LIMCH1: variants seen among roughly 807,000 people sequenced by gnomAD.
LIMCH1 encodes LIM and calponin homology domains 1, also known as LIM and calponin homology domains-containing protein 1.
LIMCH1 carries 113 observed loss-of-function variants against 176.5 expected under a neutral mutation model. The ratio of observed to expected loss-of-function variants is 0.64; its 90% CI spans 0.55 to 0.75. LIMCH1 has a LOEUF of 0.75. Among genes scored for constraint, LIMCH1 ranks in the 30% least tolerant of loss-of-function variants. The pLI is 0.00. For missense variants in LIMCH1, 1,674 were observed against 1,814.9 expected (o/e 0.92, Z 1.41); for synonymous variants, 619 against 645.9 (o/e 0.96, Z 0.63).
At chr4:41,371,617 C>G (rs2154097590) in intron 1 of LIMCH1, among the ~76,000 whole-genome samples, 1 of 145,082 alleles carries the variant, frequency 6.9e-6, no homozygotes, top group Middle Eastern at 3.5e-3. Context: ...TCTGTTTAGT[C>G]TTTGTGTAAC....
chr4:41,402,175 C>T (rs1429988596), intron 1 of LIMCH1, among the ~76,000 whole-genome samples: 4 of 152,096 alleles, frequency 2.6e-5, no homozygotes, highest in Admixed American at 2.6e-4. Context: ...AGGATATGAA[C>T]AGACACTTCT....
At chr4:41,407,833 C>T (rs548442598) in intron 1 of LIMCH1, among the ~76,000 whole-genome samples, 5 of 152,212 alleles carry the variant, frequency 3.3e-5, no homozygotes, top group African/African-American at 9.6e-5. Flanking sequence ...CTGCTACTTT[C>T]CCAGGTTCTT....
At chr4:41,370,204 C>G (rs938390092) in intron 1 of LIMCH1, among the ~76,000 whole-genome samples, 36 of 152,126 alleles carry the variant, frequency 2.4e-4, no homozygotes, top group African/African-American at 8.7e-4. Flanking sequence ...CTCACCTTCT[C>G]TTTCTTTCCC....
At chr4:41,620,800 C>T in intron 7 of LIMCH1, 110 bp downstream of exon 7, 1 of 1,250,276 alleles carries the variant, frequency 8.0e-7, no homozygotes, top group African/African-American at 1.5e-5. Flanking sequence ...CCCGCTTTTC[C>T]TATTGCATCA....
In LIMCH1 at chr4:41,421,669, A is replaced by G. The variant is rs113712611; in HGVS notation, c.96+60733A>G. On this transcript the variant is annotated intron_variant, in intron 1 of 26. Coordinates refer to the LIMCH1 transcript ENST00000313860. ...ATTTCTGGATCCTAATTTTATAAGC[A>G]ATGTAAAAAGCATAAGACTGAAAGT... is the stretch of plus-strand genomic sequence containing the variant. Among the ~76,000 whole-genome samples, 1,133 of 152,302 alleles carry G rather than the reference A, an allele frequency of 7.4e-3. 19 individuals carry two copies. The highest frequency in any genetic ancestry group is 0.025 in the African/African-American group (1,047 of 41,544).
intron 7 of LIMCH1, among the ~76,000 whole-genome samples, chr4:41,621,204 A>C (rs940642246): frequency 6.6e-6 from 1 of 152,160 alleles, no homozygotes; most frequent in Non-Finnish European, 1.5e-5. Flanking sequence ...TTAGTTTCTA[A>C]AGCATGTTGA....
chr4:41,678,620 G>A (rs1713056926), intron 23 of LIMCH1, among the ~76,000 whole-genome samples: 1 of 152,176 alleles, frequency 6.6e-6, no homozygotes, highest in Non-Finnish European at 1.5e-5. Flanking sequence ...ACAGAGGCGG[G>A]CACCAGGCCT....
intron 13 of LIMCH1, among the ~76,000 whole-genome samples, chr4:41,638,225 A>G (rs539197058): frequency 6.6e-6 from 1 of 152,296 alleles, no homozygotes; most frequent in South Asian, 2.1e-4. Context: ...TCCGGTGACT[A>G]TCGCAGAGGG....
In LIMCH1 at chr4:41,664,019, G is replaced by A. The variant is rs375182872; in HGVS notation, c.3291+1035G>A. Among the ~76,000 whole-genome samples, 9 of 152,086 alleles carry A rather than the reference G, an allele frequency of 5.9e-5. No homozygotes were observed. The South Asian group carries it at 6.2e-4, about 11-fold the overall frequency. ...TATACCACTGCACTCTAACCTGGGC[G>A]ACACAGCTAGACCCCATCTCAAAAA... On this transcript the variant is annotated intron_variant, in intron 20 of 31. Transcript: ENST00000503057.
intron 4 of LIMCH1, chr4:41,609,781 C>G: frequency 2.6e-6 from 1 of 384,788 alleles, no homozygotes; most frequent in Non-Finnish European, 5.2e-6. Flanking sequence ...AAAGCAGAGA[C>G]AATGTTAATT....
Position 41,564,417 on chromosome 4 carries a change from G to A in LIMCH1, c.-241+26067G>A, listed in dbSNP as rs533904407. Among the ~76,000 whole-genome samples, 122 of 152,272 alleles carry A rather than the reference G, an allele frequency of 8.0e-4. 1 individual carries two copies. The highest frequency in any genetic ancestry group is 2.7e-3 in the African/African-American group (112 of 41,562). ...AAAGACACACTTGCCTGCTATTTGG[G>A]AACATTTATTTAGTAAATACTTATT... On this transcript the variant is annotated intron_variant, in intron 1 of 31. Transcript: ENST00000503057.
intron 1 of LIMCH1, among the ~76,000 whole-genome samples, chr4:41,585,932 G>A (rs1193376844): frequency 1.3e-5 from 2 of 152,184 alleles, no homozygotes; most frequent in Non-Finnish European, 2.9e-5. Context: ...TGATCACACA[G>A]TTGGATGTGA....
chr4:41,519,185 G>T (rs772029937), intron 2 of LIMCH1, among the ~76,000 whole-genome samples: 2 of 152,162 alleles, frequency 1.3e-5, no homozygotes, highest in African/African-American at 4.8e-5. Flanking sequence ...AGCGAGACAC[G>T]TATGTGCACC....
At chr4:41,443,772 T>G (rs1300284119) in intron 1 of LIMCH1, among the ~76,000 whole-genome samples, 2 of 152,224 alleles carry the variant, frequency 1.3e-5, no homozygotes, top group African/African-American at 4.8e-5. Flanking sequence ...GAGAGGCCCA[T>G]GGAACAAGTG....
At chr4:41,493,064 T>G (rs1365637541) in intron 1 of LIMCH1, among the ~76,000 whole-genome samples, 1 of 152,090 alleles carries the variant, frequency 6.6e-6, no homozygotes, top group Non-Finnish European at 1.5e-5. Flanking sequence ...TTATTTAACT[T>G]TTTTGTGTCT....
chr4:41,674,001 G>A (rs61692528), intron 22 of LIMCH1, among the ~76,000 whole-genome samples: 11,293 of 152,142 alleles, frequency 0.074, 518 homozygotes, highest in South Asian at 0.14. Context: ...TGGTAACCCC[G>A]CCCTGGCCCA....
At chr4:41,476,452 C>T (rs1432381992) in intron 1 of LIMCH1, among the ~76,000 whole-genome samples, 2 of 152,214 alleles carry the variant, frequency 1.3e-5, no homozygotes, top group Admixed American at 6.5e-5. Context: ...GCAAGGTTCA[C>T]TCCTGTGCAG....
At chr4:41,544,319 G>A (rs926124581) in intron 1 of LIMCH1, among the ~76,000 whole-genome samples, 3 of 152,188 alleles carry the variant, frequency 2.0e-5, no homozygotes, top group African/African-American at 7.2e-5. Context: ...CTCTGTGTGT[G>A]GGTATACACT....
intron 3 of LIMCH1, among the ~76,000 whole-genome samples, chr4:41,533,056 C>T (rs976235811): frequency 6.6e-6 from 1 of 152,142 alleles, no homozygotes; most frequent in African/African-American, 2.4e-5. Context: ...CAGTTCCTCA[C>T]AGGCTGTTGG....
Sources: allele counts gnomAD v4.1 joint callset (sites outside exome capture counted in the v4.1 genomes callset), GRCh38; gene constraint gnomAD v4.1.1; transcripts MANE v1.5; gene names NCBI Gene and HGNC (gene_info 2026-07-23, HGNC 2026-07-21).